Variants in HERC3 observed in about 807,000 individuals in gnomAD.
HERC3 encodes the protein probable E3 ubiquitin-protein ligase HERC3.
In HERC3, 58 loss-of-function variants were observed where a neutral mutation model predicts 129.9. The observed-to-expected ratio is 0.45, with a 90% CI of 0.36 to 0.56. HERC3 has a LOEUF of 0.56. HERC3 is among the 20% of genes least tolerant of loss of function. The probability of loss-of-function intolerance (pLI) is 0.00; values close to 1 mark genes in which losing one functional copy is unlikely to be tolerated. For synonymous variants in HERC3, 430 were observed against 451.0 expected, an observed-to-expected ratio of 0.95 and a Z score of 0.59; for missense variants, 835 against 1,244.2, an observed-to-expected ratio of 0.67 and a Z score of 4.95.
intron 23 of HERC3, among the ~76,000 whole-genome samples, chr4:88,699,888 C>T (rs1377493454): frequency 1.3e-5 from 2 of 152,106 alleles, no homozygotes; most frequent in East Asian, 1.9e-4. Flanking sequence ...TCCTTTTGGG[C>T]GTGCTTTCAC....
chr4:88,691,492 T>C (rs761624771), intron 23 of HERC3, among the ~76,000 whole-genome samples: 2 of 152,230 alleles, frequency 1.3e-5, no homozygotes, highest in African/African-American at 2.4e-5. Context: ...TCTTCCACGT[T>C]GCAGACTGCT....
chr4:88,549,364 G>A, the HERC3 span, among the ~76,000 whole-genome samples: 1 of 151,314 alleles, frequency 6.6e-6, no homozygotes, highest in East Asian at 1.9e-4. Context: ...ATATATACAG[G>A]TTTGCTCATG....
At chr4:88,672,333 A>G (rs1313745294) in intron 16 of HERC3, among the ~76,000 whole-genome samples, 1 of 152,182 alleles carries the variant, frequency 6.6e-6, no homozygotes, top group African/African-American at 2.4e-5. Flanking sequence ...CTTGAATAAC[A>G]GATGCTCATC....
intron 18 of HERC3, among the ~76,000 whole-genome samples, chr4:88,676,822 A>C (rs990757504): frequency 6.6e-6 from 1 of 152,196 alleles, no homozygotes; most frequent in Admixed American, 6.5e-5. Context: ...ATTATTCTTC[A>C]TTTAATTTTT....
chr4:88,572,816 A>AAAT, the HERC3 span, among the ~76,000 whole-genome samples: 13 of 149,882 alleles, frequency 8.7e-5, no homozygotes, highest in Admixed American at 2.6e-4. Flanking sequence ...AAAAAAAAAA[A>AAAT]AATAATAATA....
chr4:88,533,301 A>G, the HERC3 span, among the ~76,000 whole-genome samples: 1 of 152,136 alleles, frequency 6.6e-6, no homozygotes, highest in Non-Finnish European at 1.5e-5. Context: ...CACATTGAGG[A>G]TGAGTCTGCG....
chr4:88,653,223 C>T, intron 6 of HERC3, 133 bp downstream of exon 6: 1 of 857,158 alleles, frequency 1.2e-6, no homozygotes, highest in South Asian at 1.7e-5. Flanking sequence ...TAGAGAACAT[C>T]CTCGTCTTAG....
At chr4:88,553,725 A>T in the HERC3 span, among the ~76,000 whole-genome samples, 1 of 152,170 alleles carries the variant, frequency 6.6e-6, no homozygotes, top group African/African-American at 2.4e-5. Context: ...TTTAGTACAG[A>T]CAGGGTTTTA....
the HERC3 span, among the ~76,000 whole-genome samples, chr4:88,558,759 C>T: frequency 1.1e-4 from 17 of 151,362 alleles, no homozygotes; most frequent in African/African-American, 4.1e-4. Flanking sequence ...GTCAGGAGAT[C>T]GAGACCATCC....
At chr4:88,706,410 G>C (rs1735783922) in intron 25 of HERC3, among the ~76,000 whole-genome samples, 1 of 152,210 alleles carries the variant, frequency 6.6e-6, no homozygotes, top group African/African-American at 2.4e-5. Flanking sequence ...AGGTGGTACA[G>C]GCATCAGGCA....
At chr4:88,649,554 A>G (rs936920905) in intron 3 of HERC3, among the ~76,000 whole-genome samples, 9 of 152,100 alleles carry the variant, frequency 5.9e-5, no homozygotes, top group Admixed American at 4.6e-4. Context: ...CCCTGGAGAG[A>G]GAAGCACCAG....
intron 25 of HERC3, 21 bp downstream of exon 25, chr4:88,704,631 TA>T: frequency 7.1e-7 from 1 of 1,406,864 alleles, no homozygotes; most frequent in Non-Finnish European, 1.0e-6. Flanking sequence ...GTAATCTCAA[TA>T]TGGTATTTGT....
chr4:88,632,978 T>C (rs144263204), intron 3 of HERC3, among the ~76,000 whole-genome samples: 6 of 152,230 alleles, frequency 3.9e-5, no homozygotes, highest in African/African-American at 1.2e-4. Flanking sequence ...AAGAAAATAC[T>C]TGAAAGCCCA....
At chr4:88,697,539 G>T (rs1364557112) in intron 23 of HERC3, 2 of 1,614,108 alleles carry the variant, frequency 1.2e-6, no homozygotes, top group Non-Finnish European at 1.7e-6. Flanking sequence ...AATTAGGCAG[G>T]CTCTCGATAA....
upstream of HERC3, among the ~76,000 whole-genome samples, chr4:88,591,521 A>T (rs1201947880): frequency 3.9e-5 from 6 of 152,148 alleles, no homozygotes; most frequent in Non-Finnish European, 7.3e-5. Context: ...CAGGTTATAG[A>T]AATTCTTCCA....
intron 3 of HERC3, among the ~76,000 whole-genome samples, chr4:88,607,169 T>C (rs1723746600): frequency 8.2e-6 from 1 of 121,982 alleles, no homozygotes. Flanking sequence ...TGAGTAGCAC[T>C]TTGGTGTGTG....
chr4:88,653,808 G>A (rs902136824), intron 6 of HERC3, among the ~76,000 whole-genome samples: 3 of 152,212 alleles, frequency 2.0e-5, no homozygotes, highest in African/African-American at 2.4e-5. Flanking sequence ...GGGGAAAACC[G>A]TGTGTAGTAA....
At chr4:88,539,748 C>A in the HERC3 span, among the ~76,000 whole-genome samples, 1 of 152,318 alleles carries the variant, frequency 6.6e-6, no homozygotes, top group East Asian at 1.9e-4. Context: ...TGCTGTTCTG[C>A]AATATTTCCT....
the HERC3 span, among the ~76,000 whole-genome samples, chr4:88,565,491 T>A: frequency 6.6e-6 from 1 of 152,146 alleles, no homozygotes; most frequent in African/African-American, 2.4e-5. Flanking sequence ...ATACAATGAT[T>A]TTGTCTTTTT....
Sources: gnomAD v4.1 joint callset for allele counts (sites outside exome capture counted in the v4.1 genomes callset) on GRCh38, gnomAD v4.1.1 for gene constraint, MANE v1.5 for transcripts, NCBI Gene and HGNC (gene_info 2026-07-23, HGNC 2026-07-21) for gene names.